SEZ6L: variants seen among roughly 807,000 people sequenced by gnomAD.
The protein encoded by SEZ6L is seizure related 6 homolog like.
In SEZ6L, 37 loss-of-function variants were observed where a neutral mutation model predicts 106.2. The observed-to-expected ratio is 0.35, with a 90% CI of 0.27 to 0.46. The LOEUF (loss-of-function observed/expected upper bound fraction) is 0.46. SEZ6L is among the 20% of genes least tolerant of loss of function. The pLI, the probability that SEZ6L is intolerant of heterozygous loss-of-function variation, is 1.00. For synonymous variants in SEZ6L, 541 were observed against 570.4 expected (o/e 0.95, Z 0.73); for missense variants, 1,172 against 1,332.8 (o/e 0.88, Z 1.88).
At chr22:26,210,121 T>G (rs967740472) in intron 1 of SEZ6L, among the ~76,000 whole-genome samples, 5 of 152,196 alleles carry the variant, frequency 3.3e-5, no homozygotes, top group Non-Finnish European at 5.9e-5. Context: ...GGATGACACT[T>G]AGTCCAACCA....
chr22:26,255,764 G>A (rs7287757), intron 1 of SEZ6L, among the ~76,000 whole-genome samples: 3 of 152,306 alleles, frequency 2.0e-5, no homozygotes, highest in Admixed American at 1.3e-4. Flanking sequence ...ATCTGACCTC[G>A]CAGTGTTGAG....
chr22:26,238,655 G>C (rs2079022716), intron 1 of SEZ6L, among the ~76,000 whole-genome samples: 1 of 152,182 alleles, frequency 6.6e-6, no homozygotes, highest in Non-Finnish European at 1.5e-5. Flanking sequence ...AATAAGCCAG[G>C]CTTCGCATAA....
At chr22:26,278,693 G>C (rs1408866819) in intron 1 of SEZ6L, among the ~76,000 whole-genome samples, 1 of 151,820 alleles carries the variant, frequency 6.6e-6, no homozygotes, top group South Asian at 2.1e-4. Flanking sequence ...AGGTTCTTTG[G>C]TGTATTGTAA....
At chr22:26,176,215 A>C (rs905680155) in intron 1 of SEZ6L, among the ~76,000 whole-genome samples, 1 of 152,238 alleles carries the variant, frequency 6.6e-6, no homozygotes, top group African/African-American at 2.4e-5. Flanking sequence ...CTCATGGACA[A>C]TGAGCGGTGG....
At chr22:26,252,449 T>C (rs977567069) in intron 1 of SEZ6L, among the ~76,000 whole-genome samples, 28 of 152,320 alleles carry the variant, frequency 1.8e-4, no homozygotes, top group Admixed American at 1.2e-3. Flanking sequence ...ATTCATGGGG[T>C]ACATGTACAG....
chr22:26,361,506 C>CAA (rs530265526), intron 12 of SEZ6L, among the ~76,000 whole-genome samples: 11 of 130,676 alleles, frequency 8.4e-5, no homozygotes, highest in African/African-American at 3.1e-4. Context: ...GACTCTGTCT[C>CAA]AAAAAAAAAA....
At position 26,321,333 on chromosome 22, in the gene SEZ6L, G is replaced by C. The variant is rs1215749162; in HGVS notation, c.2015+7431G>C. Among the ~76,000 whole-genome samples, 3 of 152,228 alleles carry C rather than the reference G, an allele frequency of 2.0e-5. No homozygotes were observed. In the East Asian group the frequency reaches 5.8e-4, roughly 29 times the overall value. ...GTCTCCAGGACCCTGTGTGTCTGGAGTTCAAGGGTGCGTCCATGAAGTAGG... is the reference window on the plus strand; with the variant it reads ...GTCTCCAGGACCCTGTGTGTCTGGACTTCAAGGGTGCGTCCATGAAGTAGG... On this transcript the variant is annotated intron_variant, in intron 9 of 16. Coordinates refer to ENST00000248933, the MANE Select transcript of SEZ6L (RefSeq NM_021115.5).
At chr22:26,248,037 A>G (rs2079423695) in intron 1 of SEZ6L, among the ~76,000 whole-genome samples, 1 of 152,176 alleles carries the variant, frequency 6.6e-6, no homozygotes, top group Non-Finnish European at 1.5e-5. Flanking sequence ...TCTCCATCAC[A>G]GAGAGCCAGA....
At chr22:26,228,190 G>A (rs2078691112) in intron 1 of SEZ6L, among the ~76,000 whole-genome samples, 3 of 152,296 alleles carry the variant, frequency 2.0e-5, no homozygotes, top group African/African-American at 4.8e-5. Context: ...GAGCAAGTGC[G>A]TGAACAAATG....
intron 12 of SEZ6L, 144 bp downstream of exon 12, chr22:26,351,387 T>A: frequency 1.6e-6 from 1 of 636,680 alleles, no homozygotes; most frequent in African/African-American, 1.8e-5. Context: ...AAACAGTACC[T>A]AACACTGATT....
chr22:26,216,213 C>T (rs1400263464), intron 1 of SEZ6L, among the ~76,000 whole-genome samples: 1 of 152,100 alleles, frequency 6.6e-6, no homozygotes, highest in Non-Finnish European at 1.5e-5. Context: ...CCCACGTGGT[C>T]AGTTAGTGGA....
At chr22:26,233,469 A>G (rs1452319921) in intron 1 of SEZ6L, among the ~76,000 whole-genome samples, 1 of 152,230 alleles carries the variant, frequency 6.6e-6, no homozygotes, top group Non-Finnish European at 1.5e-5. Context: ...TGCTGTATTC[A>G]TAGAACCCCA....
At chr22:26,350,175 T>A (rs1306133073) in intron 11 of SEZ6L, among the ~76,000 whole-genome samples, 1 of 148,752 alleles carries the variant, frequency 6.7e-6, no homozygotes. Flanking sequence ...GGCAAATTCA[T>A]ATATATGTGT....
chr22:26,174,167 T>C (rs987868627), intron 1 of SEZ6L, among the ~76,000 whole-genome samples: 6 of 152,166 alleles, frequency 3.9e-5, no homozygotes, highest in Non-Finnish European at 8.8e-5. Flanking sequence ...CAGACATCTA[T>C]GGGACCTCAC....
At chr22:26,226,072 A>G (rs1425056407) in intron 1 of SEZ6L, among the ~76,000 whole-genome samples, 3 of 152,108 alleles carry the variant, frequency 2.0e-5, no homozygotes, top group Non-Finnish European at 4.4e-5. Flanking sequence ...CCCTGCTGCC[A>G]CCACCCTGGT....
chr22:26,218,655 A>G (rs748081190), intron 1 of SEZ6L, among the ~76,000 whole-genome samples: 3 of 152,086 alleles, frequency 2.0e-5, no homozygotes, highest in Non-Finnish European at 2.9e-5. Context: ...TACAAAAATT[A>G]GCTGGGTGTA....
rs181142628 is a variant in SEZ6L, at chr22:26,235,163, T to G, written c.95-57243T>G. On this transcript the variant is annotated intron_variant, in intron 1 of 16. Transcript: ENST00000248933. ...ATTTGGCACTATTGGCATTTGGGGT[T>G]GGATATTCCCTGGTTTGGGACAGGA... Among the ~76,000 whole-genome samples, 20 of 152,296 alleles carry G rather than the reference T, an allele frequency of 1.3e-4. No homozygotes were observed. In the East Asian group the frequency reaches 3.1e-3, roughly 24 times the overall value.
chr22:26,378,662 G>C (rs1228510161), intron 16 of SEZ6L, among the ~76,000 whole-genome samples: 1 of 152,202 alleles, frequency 6.6e-6, no homozygotes, highest in Non-Finnish European at 1.5e-5. Context: ...GGTAGAGCTT[G>C]GACAATGGGC....
At chr22:26,214,472 G>C (rs141630133) in intron 1 of SEZ6L, among the ~76,000 whole-genome samples, 1 of 152,202 alleles carries the variant, frequency 6.6e-6, no homozygotes, top group African/African-American at 2.4e-5. Flanking sequence ...TAAAGGTTAT[G>C]GATTCCCTGA....
Sources: allele counts gnomAD v4.1 joint callset (sites outside exome capture counted in the v4.1 genomes callset), GRCh38; gene constraint gnomAD v4.1.1; transcripts MANE v1.5; gene names NCBI Gene and HGNC (gene_info 2026-07-23, HGNC 2026-07-21).